The following ARFGEF2 variants were observed in gnomAD, a reference collection of about 807,000 sequenced individuals.
The protein encoded by ARFGEF2 is ARF guanine nucleotide exchange factor 2, also known as brefeldin A-inhibited guanine nucleotide-exchange protein 2.
Under a neutral mutation model 219.9 loss-of-function variants are expected in ARFGEF2, and 74 were observed. That is an observed-to-expected ratio of 0.34 (90% confidence interval 0.28 to 0.41). ARFGEF2 has a LOEUF of 0.41. Among genes scored for constraint, ARFGEF2 ranks in the 10% least tolerant of loss-of-function variants. The probability of loss-of-function intolerance (pLI) is 1.00; values close to 1 mark genes in which losing one functional copy is unlikely to be tolerated. For synonymous variants in ARFGEF2, 733 were observed against 799.2 expected (o/e 0.92, Z 1.40); for missense variants, 1,743 against 2,218.3 (o/e 0.79, Z 4.30).
intron 1 of ARFGEF2, among the ~76,000 whole-genome samples, chr20:48,925,799 T>A (rs2123262274): frequency 6.6e-6 from 1 of 152,240 alleles, no homozygotes; most frequent in East Asian, 1.9e-4. Flanking sequence ...ATCATGCCAT[T>A]GCACTCCAGC....
chr20:49,018,357 C>T (rs575561033), intron 33 of ARFGEF2, among the ~76,000 whole-genome samples: 5 of 152,160 alleles, frequency 3.3e-5, no homozygotes, highest in South Asian at 2.1e-4. Flanking sequence ...CTCAGCCTCC[C>T]GCCAAGTAGC....
chr20:48,965,831 A>T lies in ARFGEF2; in HGVS notation c.908-41A>T, dbSNP rs1448351875. ...TGTCAGGCAGCCCTTTAGGGTAAGT[A>T]CAGTACTAATTTGGCTATGACTTTG... is the stretch of plus-strand genomic sequence containing the variant. On this transcript the variant is annotated intron_variant, in intron 7 of 38. Coordinates refer to ENST00000371917, the MANE Select transcript of ARFGEF2 (RefSeq NM_006420.3). 3 of 1,612,622 alleles carry T rather than the reference A, an allele frequency of 1.9e-6. No homozygotes were observed. In the East Asian group the frequency reaches 6.7e-5, roughly 36 times the overall value.
At chr20:48,963,734 T>C in intron 6 of ARFGEF2, 96 bp from the exon 7 acceptor site, 1 of 1,244,388 alleles carries the variant, frequency 8.0e-7, no homozygotes, top group Non-Finnish European at 1.2e-6. Flanking sequence ...CCCTTTGCCT[T>C]CTGAAATGTA....
At chr20:48,996,507 G>A (rs906376715) in intron 23 of ARFGEF2, among the ~76,000 whole-genome samples, 1 of 151,696 alleles carries the variant, frequency 6.6e-6, no homozygotes, top group Non-Finnish European at 1.5e-5. Context: ...CACTTTGGGA[G>A]GCAGGTGGAT....
chr20:49,005,044 T>G, intron 25 of ARFGEF2, 26 bp from the exon 26 acceptor site: 1 of 1,614,130 alleles, frequency 6.2e-7, no homozygotes, highest in South Asian at 1.1e-5. Flanking sequence ...TATACCTGTT[T>G]CACATCAGTT....
At chr20:48,991,913 A>T (rs567139581) in intron 21 of ARFGEF2, among the ~76,000 whole-genome samples, 4 of 152,326 alleles carry the variant, frequency 2.6e-5, no homozygotes, top group Non-Finnish European at 5.9e-5. Context: ...TCTAGCCCCA[A>T]CTCAAATCTG....
intron 13 of ARFGEF2, among the ~76,000 whole-genome samples, chr20:48,975,154 A>G (rs1025004669): frequency 6.6e-6 from 1 of 151,940 alleles, no homozygotes; most frequent in Non-Finnish European, 1.5e-5. Flanking sequence ...GATATACCAC[A>G]TTTTCCTATG....
At chr20:48,998,064 T>C in intron 23 of ARFGEF2, 129 bp from the exon 24 acceptor site, 1 of 796,994 alleles carries the variant, frequency 1.3e-6, no homozygotes, top group East Asian at 2.7e-5. Context: ...TTCACCATGT[T>C]GGCCAGGCTG....
chr20:48,941,175 T>C, intron 1 of ARFGEF2, 24 bp from the exon 2 acceptor site: 1 of 1,609,656 alleles, frequency 6.2e-7, no homozygotes. Context: ...TTTCCTAATG[T>C]GTTTTTTCTT....
At chr20:48,936,579 C>T (rs1045390549) in intron 1 of ARFGEF2, among the ~76,000 whole-genome samples, 1 of 152,086 alleles carries the variant, frequency 6.6e-6, no homozygotes, top group African/African-American at 2.4e-5. Context: ...GGCTGGAGTG[C>T]ATTGGCATGA....
chr20:48,934,408 C>T (rs1488672955), intron 1 of ARFGEF2, among the ~76,000 whole-genome samples: 2 of 152,080 alleles, frequency 1.3e-5, no homozygotes, highest in African/African-American at 2.4e-5. Context: ...CATAGGTGTA[C>T]GTGTGCCATG....
Position 49,033,179 on chromosome 20 carries a change from G to C in ARFGEF2, c.5338G>C (p.Ala1780Pro), listed in dbSNP as rs1285554755. The change falls in exon 39 of 39, where the codon GCA becomes CCA. Residue 1780 changes from alanine (A) to proline (P), a missense_variant. Ala to Pro is a conservative substitution (Grantham distance 27, BLOSUM62 -1). This residue lies in a region of ARFGEF2 where 578 missense variants were observed against 664.0 expected (regional missense o/e 0.87). Coordinates refer to ENST00000371917, the MANE Select transcript of ARFGEF2 (RefSeq NM_006420.3). ...AGAAGAGCCATCACAGGTACCAGCAGCACTGTCACCAGTGTGGTAGCCCTG... is the reference window on the plus strand; with the variant it reads ...AGAAGAGCCATCACAGGTACCAGCACCACTGTCACCAGTGTGGTAGCCCTG... ...IPEEPSQVPA[A>P]LSPVW 1.3e-5 allele frequency: 21 copies of C among 1,614,102 alleles called. No homozygotes were observed. The Admixed American group carries it at 3.2e-4, about 24-fold the overall frequency.
At chr20:48,982,315 CTGCAGAACAGCAAATAT>C (rs1440522470) in intron 14 of ARFGEF2, among the ~76,000 whole-genome samples, 9 of 152,314 alleles carry the variant, frequency 5.9e-5, no homozygotes, top group East Asian at 5.8e-4. Context: ...CCAGCAGAGG[CTGCAGAACAGCAAATAT>C]TGCAGAACAG....
intron 1 of ARFGEF2, 67 bp downstream of exon 1, chr20:48,922,077 C>T (rs1034241042): frequency 2.4e-5 from 37 of 1,518,124 alleles, no homozygotes; most frequent in Non-Finnish European, 3.1e-5. Flanking sequence ...CTATCCTACT[C>T]GGCCTTGGCC....
intron 6 of ARFGEF2, among the ~76,000 whole-genome samples, chr20:48,960,373 T>A (rs2123382978): frequency 6.6e-6 from 1 of 152,306 alleles, no homozygotes; most frequent in Middle Eastern, 3.4e-3. Flanking sequence ...GTTACTCCAG[T>A]GAGTCAGTGA....
intron 4 of ARFGEF2, among the ~76,000 whole-genome samples, chr20:48,951,697 A>G (rs1322769178): frequency 6.6e-6 from 1 of 152,236 alleles, no homozygotes; most frequent in East Asian, 1.9e-4. Context: ...TCAGCTAATA[A>G]CAATGTAAAT....
At chr20:49,028,772 T>C (rs2091617581) in intron 37 of ARFGEF2, 104 bp downstream of exon 37, 9 of 1,322,446 alleles carry the variant, frequency 6.8e-6, no homozygotes, top group Non-Finnish European at 8.4e-6. Flanking sequence ...ATGCTGACAC[T>C]CTGACAAATT....
At chr20:48,931,323 G>T (rs2090911934) in intron 1 of ARFGEF2, among the ~76,000 whole-genome samples, 1 of 152,160 alleles carries the variant, frequency 6.6e-6, no homozygotes, top group Non-Finnish European at 1.5e-5. Flanking sequence ...AAGAAGAAAG[G>T]ACAGTGTTTC....
At chr20:49,025,982 GA>G (rs3092702) in intron 36 of ARFGEF2, among the ~76,000 whole-genome samples, 400 of 127,758 alleles carry the variant, frequency 3.1e-3, no homozygotes, top group African/African-American at 6.1e-3. Context: ...ACTCCATCTG[GA>G]AAAAAAAAAA....
Sources: gnomAD v4.1 joint callset for allele counts (sites outside exome capture counted in the v4.1 genomes callset) on GRCh38, gnomAD v4.1.1 for gene constraint, gnomAD v4.1.1 regional missense constraint, MANE v1.5 for transcripts, NCBI Gene and HGNC (gene_info 2026-07-23, HGNC 2026-07-21) for gene names.